Variants in KCNK2 observed in about 807,000 individuals in gnomAD.
The protein encoded by KCNK2 is potassium two pore domain channel subfamily K member 2, also known as potassium channel subfamily K member 2.
In KCNK2, 21 loss-of-function variants were observed where a neutral mutation model predicts 40.5. The observed-to-expected ratio is 0.52, with a 90% CI of 0.37 to 0.75. The LOEUF (loss-of-function observed/expected upper bound fraction) is 0.75, where lower values mean the gene tolerates loss of function less well. Among genes scored for constraint, KCNK2 ranks in the 30% least tolerant of loss-of-function variants. The pLI is 0.00. For synonymous variants in KCNK2, 191 were observed against 202.2 expected (o/e 0.94, Z 0.47); for missense variants, 399 against 531.6 (o/e 0.75, Z 2.45).
Position 215,083,213 on chromosome 1 carries a change from C to G in KCNK2, c.-173C>G, listed in dbSNP as rs1316129833. On this transcript the variant is annotated 5_prime_UTR_variant, in exon 1 of 7. Transcript: ENST00000444842. Reference sequence around the variant, plus strand: ...TCACGCTCCCCCCCCCGCCCCCTCCCGCGTCCAGCCCCGCTCTCCCCACCT... The same window carrying G: ...TCACGCTCCCCCCCCCGCCCCCTCCGGCGTCCAGCCCCGCTCTCCCCACCT... 1 of 1,365,196 alleles carries G rather than the reference C, an allele frequency of 7.3e-7. No individual in the cohort carries two copies. The highest frequency in any genetic ancestry group is 1.5e-5 in the African/African-American group (1 of 66,426). The allele number at this position is 1,365,196 out of a possible 1,614,324, so 84.6% of individuals were successfully genotyped here.
chr1:215,084,174 A>G (rs1659316034), intron 1 of KCNK2, among the ~76,000 whole-genome samples: 3 of 144,688 alleles, frequency 2.1e-5, no homozygotes, highest in African/African-American at 5.2e-5. Flanking sequence ...GAAATGTATT[A>G]GGTTAATGCA....
intron 2 of KCNK2, among the ~76,000 whole-genome samples, chr1:215,100,833 TATTGCTCAAAA>T (rs1660176539): frequency 1.3e-5 from 2 of 152,078 alleles, no homozygotes; most frequent in Non-Finnish European, 2.9e-5. Context: ...TACATGTAAT[TATTGCTCAAAA>T]TAATTTATCA....
chr1:215,045,276 A>G (rs1657729102), intron 1 of KCNK2, among the ~76,000 whole-genome samples: 1 of 152,176 alleles, frequency 6.6e-6, no homozygotes, highest in Non-Finnish European at 1.5e-5. Flanking sequence ...GGACTATCCA[A>G]ATTGTGAGGC....
intron 5 of KCNK2, among the ~76,000 whole-genome samples, chr1:215,185,133 A>ATT (rs5780817): frequency 1.1e-4 from 17 of 151,362 alleles, no homozygotes; most frequent in South Asian, 6.2e-4. Context: ...AAATCTGTTA[A>ATT]TTTTTTTTTA....
At position 215,083,269 on chromosome 1, in the gene KCNK2, CG is replaced by C; in HGVS notation, c.-116del. 1 of 1,612,636 alleles carries C rather than the reference CG, an allele frequency of 6.2e-7. No individual in the cohort carries two copies. The highest frequency in any genetic ancestry group is 1.1e-5 in the South Asian group (1 of 91,008). On this transcript the variant is annotated 5_prime_UTR_variant, in exon 1 of 7. The change abolishes the stop of an existing upstream ORF in the 5' untranslated region. Transcript: ENST00000444842. ...AACAAAGCCGGGGAAAATGCCTGCC[CG>C]TGCAGCTCGGAGCGCGCAGCCCGTC...
intron 6 of KCNK2, among the ~76,000 whole-genome samples, chr1:215,225,709 A>G (rs1340058110): frequency 2.6e-5 from 4 of 152,202 alleles, no homozygotes; most frequent in African/African-American, 9.6e-5. Flanking sequence ...AGGAGAAGAA[A>G]TTGATAGAAT....
intron 1 of KCNK2, among the ~76,000 whole-genome samples, chr1:215,046,493 T>C (rs1657775967): frequency 6.6e-6 from 1 of 152,096 alleles, no homozygotes; most frequent in Non-Finnish European, 1.5e-5. Context: ...AATACTCATT[T>C]TGTTGCTTGT....
chr1:215,171,519 G>T (rs1306628782), intron 4 of KCNK2, among the ~76,000 whole-genome samples: 1 of 152,054 alleles, frequency 6.6e-6, no homozygotes, highest in Non-Finnish European at 1.5e-5. Flanking sequence ...GTTTATCAAT[G>T]AACAATTGTA....
At chr1:215,097,952 A>G (rs1286889714) in intron 2 of KCNK2, among the ~76,000 whole-genome samples, 8 of 152,022 alleles carry the variant, frequency 5.3e-5, no homozygotes, top group Non-Finnish European at 1.2e-4. Context: ...TTGATTAAAT[A>G]TCCGCATAGG....
At chr1:215,135,676 C>A (rs943725109) in intron 3 of KCNK2, among the ~76,000 whole-genome samples, 8 of 151,834 alleles carry the variant, frequency 5.3e-5, no homozygotes, top group African/African-American at 1.9e-4. Context: ...ATTTCTTCAC[C>A]TAGTTAATTT....
At chr1:215,046,585 A>G (rs1471130670) in intron 1 of KCNK2, among the ~76,000 whole-genome samples, 1 of 152,198 alleles carries the variant, frequency 6.6e-6, no homozygotes, top group East Asian at 1.9e-4. Context: ...AAACAGGTAC[A>G]GGTTTTTTTG....
intron 2 of KCNK2, among the ~76,000 whole-genome samples, chr1:215,091,454 CTAGAATACCAGTGA>C (rs1222510731): frequency 6.6e-6 from 1 of 152,142 alleles, no homozygotes; most frequent in Non-Finnish European, 1.5e-5. Flanking sequence ...CATGCCTTCT[CTAGAATACCAGTGA>C]TAGTGGCCTT....
intron 1 of KCNK2, among the ~76,000 whole-genome samples, chr1:215,024,990 A>C (rs1656953841): frequency 6.7e-6 from 1 of 149,054 alleles, no homozygotes; most frequent in Non-Finnish European, 1.5e-5. Context: ...AGTGTTACAC[A>C]CATTATGTTG....
At chr1:215,056,310 A>G (rs1466132771) in intron 1 of KCNK2, among the ~76,000 whole-genome samples, 1 of 144,536 alleles carries the variant, frequency 6.9e-6, no homozygotes. Context: ...CTCCATCTCA[A>G]AAAAAAAAAA....
chr1:215,125,734 TAATA>T (rs1163576635), intron 3 of KCNK2, among the ~76,000 whole-genome samples: 1 of 123,960 alleles, frequency 8.1e-6, no homozygotes, highest in East Asian at 2.3e-4. Context: ...ACTTGAAGTA[TAATA>T]AATATATATA....
chr1:215,046,139 G>T (rs1196901235), intron 1 of KCNK2, among the ~76,000 whole-genome samples: 2 of 152,114 alleles, frequency 1.3e-5, no homozygotes, highest in East Asian at 1.9e-4. Flanking sequence ...CTAGGTCATT[G>T]CCAGGAAAAT....
intron 3 of KCNK2, among the ~76,000 whole-genome samples, chr1:215,142,259 C>T (rs974535203): frequency 3.9e-5 from 6 of 152,034 alleles, no homozygotes; most frequent in African/African-American, 1.2e-4. Context: ...GATTTCCAAA[C>T]ATATTCTGGG....
At chr1:215,022,149 C>A (rs76961352) in intron 1 of KCNK2, among the ~76,000 whole-genome samples, 1 of 20,448 alleles carries the variant, frequency 4.9e-5, no homozygotes, top group African/African-American at 1.1e-4. Context: ...CTATCTAATC[C>A]ATCTATCTAT....
At chr1:215,101,000 G>T (rs1469344027) in intron 2 of KCNK2, among the ~76,000 whole-genome samples, 1 of 151,886 alleles carries the variant, frequency 6.6e-6, no homozygotes. Flanking sequence ...ATTTTATTCA[G>T]ATAGCATATT....
Sources: allele counts gnomAD v4.1 joint callset (sites outside exome capture counted in the v4.1 genomes callset), GRCh38; gene constraint gnomAD v4.1.1; transcripts MANE v1.5; gene names NCBI Gene and HGNC (gene_info 2026-07-23, HGNC 2026-07-21).